Variants in CHCHD3 observed in about 807,000 individuals in gnomAD.
CHCHD3 encodes MICOS complex subunit MIC19.
Under a neutral mutation model 38.2 loss-of-function variants are expected in CHCHD3, and 20 were observed. The ratio of observed to expected loss-of-function variants is 0.52; its 90% CI spans 0.37 to 0.76. The LOEUF (loss-of-function observed/expected upper bound fraction) is 0.76. Among genes scored for constraint, CHCHD3 ranks in the 30% least tolerant of loss-of-function variants. CHCHD3 has a pLI of 0.00. For missense variants in CHCHD3, 245 were observed against 279.2 expected, an observed-to-expected ratio of 0.88 and a Z score of 0.87; for synonymous variants, 82 against 100.0, an observed-to-expected ratio of 0.82 and a Z score of 1.07.
At chr7:133,021,021 G>C (rs1038610964) in intron 3 of CHCHD3, among the ~76,000 whole-genome samples, 1 of 152,054 alleles carries the variant, frequency 6.6e-6, no homozygotes, top group Non-Finnish European at 1.5e-5. Flanking sequence ...ATGTTAAACA[G>C]CATCCCTGGC....
intron 3 of CHCHD3, among the ~76,000 whole-genome samples, chr7:133,018,736 T>C (rs941082256): frequency 6.6e-6 from 1 of 152,124 alleles, no homozygotes; most frequent in Non-Finnish European, 1.5e-5. Flanking sequence ...AATAGATATA[T>C]GCCCACATAC....
intron 4 of CHCHD3, among the ~76,000 whole-genome samples, chr7:132,947,173 C>G (rs1314171576): frequency 1.3e-5 from 2 of 151,910 alleles, no homozygotes; most frequent in Non-Finnish European, 2.9e-5. Flanking sequence ...TAGCTAATCA[C>G]TACTGTTAAT....
chr7:133,019,529 T>G (rs1318698012), intron 3 of CHCHD3, among the ~76,000 whole-genome samples: 1 of 152,222 alleles, frequency 6.6e-6, no homozygotes, highest in Admixed American at 6.5e-5. Flanking sequence ...ATGACTAATT[T>G]ATTAAACCAC....
intron 3 of CHCHD3, among the ~76,000 whole-genome samples, chr7:133,016,297 C>T (rs953629502): frequency 2.6e-5 from 4 of 152,006 alleles, no homozygotes; most frequent in African/African-American, 4.8e-5. Flanking sequence ...AAGAGATGAC[C>T]CCTGTGTTTG....
At chr7:133,044,099 A>G (rs1813909014) in intron 2 of CHCHD3, among the ~76,000 whole-genome samples, 1 of 152,218 alleles carries the variant, frequency 6.6e-6, no homozygotes, top group African/African-American at 2.4e-5. Flanking sequence ...AGTTTAAACT[A>G]TGTAAATGTC....
At chr7:133,057,494 C>T (rs1048785457) in intron 2 of CHCHD3, among the ~76,000 whole-genome samples, 13 of 151,858 alleles carry the variant, frequency 8.6e-5, no homozygotes, top group African/African-American at 3.1e-4. Flanking sequence ...CCCAGCAGTT[C>T]AAGGCTGCAG....
In CHCHD3 at chr7:132,785,758, T is replaced by C. The variant is rs1806300139; in HGVS notation, c.661-98A>G. 5 of 1,288,796 alleles carry C rather than the reference T, an allele frequency of 3.9e-6. 1 individual carries two copies. Among genetic ancestry groups the C allele is most frequent in the South Asian group, 3.7e-5 (3 of 80,096 alleles). 79.8% of individuals were successfully genotyped at this position (1,288,796 alleles called of 1,614,324 possible). A position where few individuals can be genotyped will look rare whatever the true frequency, so the allele number is the denominator to read the frequency against. On this transcript the variant is annotated intron_variant, in intron 7 of 7. Transcript: ENST00000262570. ...TATGATTTGTGTTGCTTTTCAAATATCTAATTTTAAAAACACAGAAAACAA... is the reference window on the plus strand; with the variant it reads ...TATGATTTGTGTTGCTTTTCAAATACCTAATTTTAAAAACACAGAAAACAA...
intron 3 of CHCHD3, among the ~76,000 whole-genome samples, chr7:132,977,523 G>C (rs971406382): frequency 1.3e-5 from 2 of 152,140 alleles, no homozygotes; most frequent in Non-Finnish European, 2.9e-5. Flanking sequence ...CATTTGTATG[G>C]ACATCTTACC....
In CHCHD3 at chr7:133,043,148, G is replaced by A. The variant is rs375823290; in HGVS notation, c.170-18521C>T. On this transcript the variant is annotated intron_variant, in intron 2 of 7. Coordinates refer to ENST00000262570, the MANE Select transcript of CHCHD3 (RefSeq NM_017812.4). The stretch of plus-strand genomic sequence containing the variant: ...TTCCCAAAGTGCTGGGATTACAGCC[G>A]TGAACCATCACACCCAACCCTTAAT... Among the ~76,000 whole-genome samples the A allele has an allele frequency of 3.2e-3, 480 of 152,214 alleles. 3 individuals are homozygous for A. The South Asian group carries it at 0.038, about 12-fold the overall frequency.
rs1815190933 is a variant in CHCHD3 at position 133,082,020 on chromosome 7, G to A, written c.-83C>T. ...CCCGCACCCACACGCGCGTGGAAGG[G>A]CCTGGATTCTTTTCCCGCACAGCGG... On this transcript the variant is annotated 5_prime_UTR_variant, in exon 1 of 8. Transcript: ENST00000262570. 1 of 1,256,364 alleles carries A rather than the reference G, an allele frequency of 8.0e-7. No individual in the cohort carries two copies. The highest frequency in any genetic ancestry group is 1.1e-6 in the Non-Finnish European group (1 of 924,566). 77.8% of individuals were successfully genotyped at this position (1,256,364 alleles called of 1,614,324 possible).
chr7:133,077,063 TAA>T (rs767215806), intron 1 of CHCHD3, among the ~76,000 whole-genome samples: 50 of 149,484 alleles, frequency 3.3e-4, no homozygotes, highest in Non-Finnish European at 6.1e-4. Flanking sequence ...AATAGTTAGT[TAA>T]GAGAAAGGGG....
intron 4 of CHCHD3, among the ~76,000 whole-genome samples, chr7:132,932,149 G>C (rs1178645222): frequency 6.6e-6 from 1 of 152,176 alleles, no homozygotes; most frequent in East Asian, 1.9e-4. Context: ...GACACTCACA[G>C]CAGCTGATCT....
chr7:132,833,048 T>C (rs533183751), intron 6 of CHCHD3, among the ~76,000 whole-genome samples: 1 of 152,374 alleles, frequency 6.6e-6, no homozygotes, highest in Non-Finnish European at 1.5e-5. Context: ...GCAGTATTTA[T>C]TACTTTGTGC....
intron 6 of CHCHD3, among the ~76,000 whole-genome samples, chr7:132,830,171 C>T (rs188000945): frequency 2.0e-5 from 3 of 152,256 alleles, no homozygotes; most frequent in South Asian, 2.1e-4. Context: ...AATACCGAAG[C>T]TTTCTTTGTA....
intron 6 of CHCHD3, among the ~76,000 whole-genome samples, chr7:132,799,050 T>C (rs1044582200): frequency 5.7e-5 from 8 of 140,280 alleles, no homozygotes; most frequent in Non-Finnish European, 9.3e-5. Flanking sequence ...TGTGTGTGTG[T>C]GCAGTCATCC....
At chr7:133,063,932 C>T (rs1814595669) in intron 2 of CHCHD3, among the ~76,000 whole-genome samples, 1 of 152,172 alleles carries the variant, frequency 6.6e-6, no homozygotes, top group African/African-American at 2.4e-5. Context: ...ACCCCCCTCC[C>T]ATCCCTCTTA....
chr7:133,026,266 T>C (rs1413168430), intron 2 of CHCHD3, among the ~76,000 whole-genome samples: 3 of 152,104 alleles, frequency 2.0e-5, no homozygotes, highest in East Asian at 3.8e-4. Context: ...AAATAGCCAA[T>C]AAGTACATAA....
chr7:132,800,738 TGA>T (rs919692759), intron 6 of CHCHD3, among the ~76,000 whole-genome samples: 2 of 151,884 alleles, frequency 1.3e-5, no homozygotes, highest in African/African-American at 4.8e-5. Flanking sequence ...AGAAGTATGC[TGA>T]GAGAGTTCTA....
At chr7:132,796,375 C>A in intron 7 of CHCHD3, 67 bp downstream of exon 7, 1 of 1,588,318 alleles carries the variant, frequency 6.3e-7, no homozygotes, top group Non-Finnish European at 8.6e-7. Flanking sequence ...TTAGTCCTTA[C>A]CACTGCCCCA....
Sources: allele counts gnomAD v4.1 joint callset (sites outside exome capture counted in the v4.1 genomes callset), GRCh38; gene constraint gnomAD v4.1.1; transcripts MANE v1.5; gene names NCBI Gene and HGNC (gene_info 2026-07-23, HGNC 2026-07-21).